Variants in NWD2 observed in about 807,000 individuals in gnomAD.
NWD2 encodes the protein NACHT and WD repeat domain containing 2.
NWD2 carries 37 observed loss-of-function variants against 132.7 expected under a neutral mutation model. The observed-to-expected ratio is 0.28, with a 90% confidence interval of 0.21 to 0.37. The LOEUF is 0.37. Among genes scored for constraint, NWD2 ranks in the 10% least tolerant of loss-of-function variants. The probability of loss-of-function intolerance (pLI) is 1.00; values close to 1 mark genes in which losing one functional copy is unlikely to be tolerated. For missense variants in NWD2, 1,592 were observed against 2,122.4 expected (o/e 0.75, Z 4.91); for synonymous variants, 705 against 803.0 (o/e 0.88, Z 2.06).
intron 1 of NWD2, among the ~76,000 whole-genome samples, chr4:37,268,259 A>G (rs551845780): frequency 6.6e-6 from 1 of 152,026 alleles, no homozygotes; most frequent in African/African-American, 2.4e-5. Flanking sequence ...TCTCTCCTGG[A>G]GAGTTATTCT....
At chr4:37,367,955 T>A (rs1382290567) in intron 3 of NWD2, among the ~76,000 whole-genome samples, 22 of 152,146 alleles carry the variant, frequency 1.4e-4, no homozygotes, top group Admixed American at 1.4e-3. Flanking sequence ...TAATGAAGTC[T>A]AGAACCCAAG....
At chr4:37,255,760 G>A (rs912686181) in intron 1 of NWD2, among the ~76,000 whole-genome samples, 1 of 152,148 alleles carries the variant, frequency 6.6e-6, no homozygotes, top group African/African-American at 2.4e-5. Flanking sequence ...TAGAACCCAA[G>A]GCCAGAACTG....
In NWD2 at chr4:37,403,631, A is replaced by G. The variant is rs78750828; in HGVS notation, c.358-26941A>G. On this transcript the variant is annotated intron_variant, in intron 3 of 6. Coordinates refer to ENST00000309447, the MANE Select transcript of NWD2 (RefSeq NM_001144990.2). ...ATCATTAGACCTGATTTAAAGCTCA[A>G]ATCCTCTCTAGGACAAAGCTATAAT... Among the ~76,000 whole-genome samples, 506 of 152,302 alleles carry G rather than the reference A, an allele frequency of 3.3e-3. 8 individuals are homozygous for G. The East Asian group carries it at 0.046, about 14-fold the overall frequency.
At chr4:37,337,341 G>A (rs369675475) in intron 2 of NWD2, among the ~76,000 whole-genome samples, 41 of 152,292 alleles carry the variant, frequency 2.7e-4, no homozygotes, top group East Asian at 7.7e-4. Flanking sequence ...GCAACTAAGC[G>A]TGACAACATG....
intron 1 of NWD2, among the ~76,000 whole-genome samples, chr4:37,312,919 C>T (rs1399872250): frequency 6.6e-6 from 1 of 151,068 alleles, no homozygotes; most frequent in Non-Finnish European, 1.5e-5. Context: ...TGTTTATATG[C>T]TGGATTACAT....
chr4:37,422,281 C>T (rs1711838798), intron 3 of NWD2, among the ~76,000 whole-genome samples: 1 of 152,182 alleles, frequency 6.6e-6, no homozygotes, highest in African/African-American at 2.4e-5. Context: ...TTGCCGCCTG[C>T]CCTTAAAGTA....
chr4:37,376,007 A>G (rs1720343101), intron 3 of NWD2, among the ~76,000 whole-genome samples: 1 of 152,222 alleles, frequency 6.6e-6, no homozygotes, highest in African/African-American at 2.4e-5. Flanking sequence ...TAGCAAATGA[A>G]TGAACTGTTA....
intron 1 of NWD2, among the ~76,000 whole-genome samples, chr4:37,301,873 TTGC>T (rs1233997358): frequency 6.6e-6 from 1 of 152,114 alleles, no homozygotes; most frequent in Non-Finnish European, 1.5e-5. Context: ...AGAACTTTGT[TTGC>T]TGGAATAGAT....
chr4:37,347,977 A>C (rs922403997), intron 2 of NWD2, among the ~76,000 whole-genome samples: 3 of 152,226 alleles, frequency 2.0e-5, no homozygotes, highest in Non-Finnish European at 2.9e-5. Flanking sequence ...ATATGGTCTT[A>C]TAATGATTTA....
chr4:37,320,951 A>T (rs1211299347), intron 1 of NWD2, among the ~76,000 whole-genome samples: 1 of 152,158 alleles, frequency 6.6e-6, no homozygotes, highest in African/African-American at 2.4e-5. Context: ...TGAGGTCAGC[A>T]GTTCGAGACC....
intron 1 of NWD2, among the ~76,000 whole-genome samples, chr4:37,268,481 ACT>A: frequency 6.6e-6 from 1 of 151,774 alleles, no homozygotes; most frequent in Admixed American, 6.6e-5. Context: ...AAGAACCAGG[ACT>A]CTGTTGTATT....
chr4:37,342,592 C>T (rs368672786), intron 2 of NWD2, among the ~76,000 whole-genome samples: 2 of 152,174 alleles, frequency 1.3e-5, no homozygotes, highest in African/African-American at 2.4e-5. Flanking sequence ...CACAGACACA[C>T]AACAACTTCC....
rs115406201 is a variant in NWD2 at position 37,305,192 on chromosome 4, G to A, written c.152-20744G>A. ...GGCTGCAGTGGTTGGGACACATGGC[G>A]CCAAGTACCTAAGCTGCACACAGCA... On this transcript the variant is annotated intron_variant, in intron 1 of 6. Coordinates refer to ENST00000309447, the MANE Select transcript of NWD2 (RefSeq NM_001144990.2). Among the ~76,000 whole-genome samples, 581 of 152,300 alleles carry A rather than the reference G, an allele frequency of 3.8e-3. 5 individuals carry two copies. The highest frequency in any genetic ancestry group is 0.013 in the African/African-American group (549 of 41,564).
At chr4:37,388,681 G>GTATATATCATATATAAATATATATCGTA (rs1560410297) in intron 3 of NWD2, among the ~76,000 whole-genome samples, 1 of 143,422 alleles carries the variant, frequency 7.0e-6, no homozygotes, top group African/African-American at 2.6e-5. Flanking sequence ...AATATATATC[G>GTATATATCATATATAAATATATATCGTA]TATATATCAT....
intron 1 of NWD2, among the ~76,000 whole-genome samples, chr4:37,318,385 C>T (rs1719001460): frequency 6.6e-6 from 1 of 152,118 alleles, no homozygotes; most frequent in Non-Finnish European, 1.5e-5. Context: ...TCCATGAATT[C>T]ATAGTCTACA....
intron 3 of NWD2, among the ~76,000 whole-genome samples, chr4:37,361,639 C>T (rs1158041065): frequency 6.6e-6 from 1 of 152,014 alleles, no homozygotes; most frequent in African/African-American, 2.4e-5. Context: ...TTCTTGATAA[C>T]CCTCAGTAAA....
chr4:37,280,073 G>A (rs917667662), intron 1 of NWD2, among the ~76,000 whole-genome samples: 8 of 152,146 alleles, frequency 5.3e-5, no homozygotes, highest in African/African-American at 1.7e-4. Context: ...CTCCCCTAAT[G>A]TCATCAGTAG....
chr4:37,343,998 A>C (rs1719581956), intron 2 of NWD2, among the ~76,000 whole-genome samples: 1 of 152,186 alleles, frequency 6.6e-6, no homozygotes. Flanking sequence ...GATGGTTTTA[A>C]GTAAAAAAGG....
In NWD2 at chr4:37,439,258, G is replaced by A. The variant is rs1560256101; in HGVS notation, c.1164G>A (p.Glu388=). ...SLCKTYASFY[E]YKCESLNIVH... ...GTAAAACATACGCCTCCTTCTATGA[G>A]TACAAATGTGAATCTCTAAACATAG... is the stretch of plus-strand genomic sequence containing the variant. The change falls in exon 6 of 7, where the codon GAG becomes GAA. Residue 388 remains glutamate, a synonymous_variant. Coordinates refer to ENST00000309447, the MANE Select transcript of NWD2 (RefSeq NM_001144990.2). This position sits in a 1 kb window ranked among gnomAD's most constrained non-coding sequence, Gnocchi z 4.5. The A allele has an allele frequency of 1.9e-6, 3 of 1,551,150 alleles. No homozygotes were observed. Among genetic ancestry groups the A allele is most frequent in the Non-Finnish European group, 2.6e-6 (3 of 1,146,820 alleles).
Sources: gnomAD v4.1 joint callset for allele counts (sites outside exome capture counted in the v4.1 genomes callset) on GRCh38, gnomAD v4.1.1 for gene constraint, Gnocchi (gnomAD v3.1) non-coding constraint, MANE v1.5 for transcripts, NCBI Gene and HGNC (gene_info 2026-07-23, HGNC 2026-07-21) for gene names.